Variants in TENM3 observed in about 807,000 individuals in gnomAD.
TENM3 encodes teneurin-3.
A neutral mutation model predicts 255.1 loss-of-function variants in TENM3; 63 were observed. The observed-to-expected ratio is 0.25, with a 90% CI of 0.20 to 0.30. The LOEUF (loss-of-function observed/expected upper bound fraction) is 0.30. TENM3 is among the 10% of genes least tolerant of loss of function. The probability of loss-of-function intolerance (pLI) is 1.00; values close to 1 mark genes in which losing one functional copy is unlikely to be tolerated. For synonymous variants in TENM3, 1,306 were observed against 1,322.3 expected (o/e 0.99, Z 0.27); for missense variants, 2,929 against 3,461.1 (o/e 0.85, Z 3.86).
the TENM3 span, among the ~76,000 whole-genome samples, chr4:181,756,472 T>C: frequency 6.6e-6 from 1 of 152,182 alleles, no homozygotes; most frequent in Non-Finnish European, 1.5e-5. Flanking sequence ...AAACAGGTGC[T>C]GCTGGAAGGG....
the TENM3 span, among the ~76,000 whole-genome samples, chr4:182,066,803 C>CG: frequency 6.6e-6 from 1 of 151,824 alleles, no homozygotes; most frequent in Non-Finnish European, 1.5e-5. Flanking sequence ...CCCAGCTACT[C>CG]GGGAGGCTGA....
At chr4:182,479,874 A>G (rs1010771951) in intron 3 of TENM3, among the ~76,000 whole-genome samples, 1 of 152,024 alleles carries the variant, frequency 6.6e-6, no homozygotes, top group African/African-American at 2.4e-5. Context: ...TTTTTATGAT[A>G]TTGATATTCT....
the TENM3 span, among the ~76,000 whole-genome samples, chr4:182,023,905 C>G: frequency 2.4e-4 from 37 of 152,088 alleles, no homozygotes; most frequent in African/African-American, 7.7e-4. Context: ...ATTCCAGGAC[C>G]CATGGAAGTC....
At chr4:182,261,846 T>C (rs934386628) in intron 1 of TENM3, among the ~76,000 whole-genome samples, 7 of 152,240 alleles carry the variant, frequency 4.6e-5, no homozygotes, top group East Asian at 1.9e-4. Flanking sequence ...CTTTACTGCA[T>C]AGACACACTT....
chr4:182,674,170 G>A (rs1489138612), intron 7 of TENM3, among the ~76,000 whole-genome samples: 1 of 152,126 alleles, frequency 6.6e-6, no homozygotes, highest in African/African-American at 2.4e-5. Flanking sequence ...ATTTCATGCT[G>A]ATTTAGTGTG....
At chr4:182,513,821 T>TCA (rs960725379) in intron 3 of TENM3, among the ~76,000 whole-genome samples, 49 of 152,294 alleles carry the variant, frequency 3.2e-4, no homozygotes, top group African/African-American at 1.1e-3. Flanking sequence ...AGCGCACACC[T>TCA]CAACCATCTC....
intron 1 of TENM3, among the ~76,000 whole-genome samples, chr4:182,257,657 C>A (rs185598489): frequency 2.6e-5 from 4 of 152,154 alleles, no homozygotes; most frequent in African/African-American, 9.6e-5. Flanking sequence ...AGGAAAGGGA[C>A]CGGAATCGCC....
At position 182,697,873 on chromosome 4, in the gene TENM3, G is replaced by T. The variant is rs1038177034; in HGVS notation, c.2221+9522G>T. 5 of 152,234 alleles carry T rather than the reference G, an allele frequency of 3.3e-5. No homozygotes were observed. The East Asian group carries it at 9.7e-4, about 29-fold the overall frequency. 9.4% of individuals were successfully genotyped at this position (152,234 alleles called of 1,614,324 possible). On this transcript the variant is annotated intron_variant, in intron 12 of 27. Coordinates refer to ENST00000511685, the MANE Select transcript of TENM3 (RefSeq NM_001080477.4). ...TTTCTAAAAGGTGGAGGCCCTGTTT[G>T]GTTGTCAGTATTCTCTACTGTTTCA... is the stretch of plus-strand genomic sequence containing the variant.
intron 6 of TENM3, among the ~76,000 whole-genome samples, chr4:182,659,076 G>T (rs1261800213): frequency 6.6e-6 from 1 of 152,198 alleles, no homozygotes; most frequent in Admixed American, 6.5e-5. Context: ...CTGGGGAGGG[G>T]AATTAAACTC....
the TENM3 span, among the ~76,000 whole-genome samples, chr4:181,526,226 T>G: frequency 4.0e-5 from 6 of 151,818 alleles, no homozygotes; most frequent in Non-Finnish European, 8.8e-5. Flanking sequence ...CTATGGAATT[T>G]AATCACTTTT....
chr4:182,198,211 C>T (rs1753951762), intron 1 of TENM3, among the ~76,000 whole-genome samples: 1 of 152,178 alleles, frequency 6.6e-6, no homozygotes, highest in South Asian at 2.1e-4. Flanking sequence ...GCAACAATAT[C>T]TTCCCTACAC....
rs187682482 is a variant in TENM3, at chr4:182,680,836, C to T, written c.1834+99C>T. On this transcript the variant is annotated intron_variant, in intron 10 of 27. Transcript: ENST00000511685. ...TGGGCAGATCTCTTTTATACGCTTCCTTTTGAAAGCAATTTTGAAAAATCC... is the reference window on the plus strand; with the variant it reads ...TGGGCAGATCTCTTTTATACGCTTCTTTTTGAAAGCAATTTTGAAAAATCC... The T allele has an allele frequency of 9.0e-4, 798 of 884,292 alleles. 1 individual carries two copies. In the African/African-American group the frequency reaches 0.013, roughly 14 times the overall value. 54.8% of individuals were successfully genotyped at this position (884,292 alleles called of 1,614,324 possible).
At chr4:181,855,208 A>T in the TENM3 span, among the ~76,000 whole-genome samples, 1 of 152,176 alleles carries the variant, frequency 6.6e-6, no homozygotes, top group South Asian at 2.1e-4. Context: ...GTTATTAGAC[A>T]CTGTAAGCTT....
chr4:182,631,693 AC>A (rs749948457), intron 5 of TENM3: 1 of 152,200 alleles, frequency 6.6e-6, no homozygotes, highest in Non-Finnish European at 1.5e-5. Context: ...GCAACCTTTA[AC>A]AGAAATGCAG....
chr4:181,763,854 T>C, the TENM3 span, among the ~76,000 whole-genome samples: 2 of 152,252 alleles, frequency 1.3e-5, no homozygotes, highest in African/African-American at 2.4e-5. Flanking sequence ...CTTTAACTTA[T>C]GTTCTTATTC....
intron 2 of TENM3, among the ~76,000 whole-genome samples, chr4:182,345,693 G>T (rs765034659): frequency 4.6e-5 from 7 of 152,102 alleles, no homozygotes; most frequent in African/African-American, 1.2e-4. Flanking sequence ...ATAAATACAG[G>T]ATTGGAAAAG....
chr4:182,586,590 T>A (rs1014049342), intron 3 of TENM3, among the ~76,000 whole-genome samples: 1 of 152,232 alleles, frequency 6.6e-6, no homozygotes, highest in Non-Finnish European at 1.5e-5. Context: ...TCTATTTTCC[T>A]TTTAATCAAG....
intron 1 of TENM3, among the ~76,000 whole-genome samples, chr4:182,203,649 C>G (rs559407377): frequency 6.6e-6 from 1 of 152,148 alleles, no homozygotes; most frequent in African/African-American, 2.4e-5. Flanking sequence ...TCCCTCTTTC[C>G]CAACGCCTCT....
At position 182,172,336 on chromosome 4, in the gene TENM3, C is replaced by T. The variant is rs181204199; in HGVS notation, c.-76+27582C>T. ...TCAGTCTTCAAAGTGAGATAAGACA[C>T]GTCCATTAAAGTTTGCAATACAAAA... On this transcript the variant is annotated intron_variant, in intron 1 of 2. Coordinates refer to the TENM3 transcript ENST00000512480. Among the ~76,000 whole-genome samples the T allele has an allele frequency of 2.1e-3, 322 of 152,100 alleles. 1 individual carries two copies. The highest frequency in any genetic ancestry group is 3.5e-3 in the Non-Finnish European group (238 of 67,988).
Sources: gnomAD v4.1 joint callset for allele counts (sites outside exome capture counted in the v4.1 genomes callset) on GRCh38, gnomAD v4.1.1 for gene constraint, MANE v1.5 for transcripts, NCBI Gene and HGNC (gene_info 2026-07-23, HGNC 2026-07-21) for gene names.